Variants in KCNIP4 observed in about 807,000 individuals in gnomAD.
KCNIP4 encodes Kv channel-interacting protein 4.
KCNIP4 carries 12 observed loss-of-function variants against 34.0 expected under a neutral mutation model. The ratio of observed to expected loss-of-function variants is 0.35; its 90% confidence interval spans 0.23 to 0.57. KCNIP4 has a LOEUF of 0.57. Ranked by LOEUF, KCNIP4 falls within the 20% of genes least tolerant of loss-of-function variation. KCNIP4 has a pLI of 0.83. For synonymous variants in KCNIP4, 124 were observed against 102.2 expected (o/e 1.21, Z -1.29); for missense variants, 238 against 311.7 (o/e 0.76, Z 1.78).
At chr4:20,968,021 A>T (rs747445741) in intron 1 of KCNIP4, among the ~76,000 whole-genome samples, 12 of 152,200 alleles carry the variant, frequency 7.9e-5, no homozygotes, top group Non-Finnish European at 1.2e-4. Context: ...AAATTTTTGC[A>T]ATCTACCCAT....
chr4:21,830,777 C>A (rs1475274841), intron 1 of KCNIP4, among the ~76,000 whole-genome samples: 1 of 151,942 alleles, frequency 6.6e-6, no homozygotes, highest in African/African-American at 2.4e-5. Context: ...AATGAAACAT[C>A]CAAATTAAAG....
intron 1 of KCNIP4, among the ~76,000 whole-genome samples, chr4:20,947,846 T>C (rs80217558): frequency 0.013 from 1,980 of 152,296 alleles, 50 homozygotes; most frequent in African/African-American, 0.046. Flanking sequence ...CTACATGCAG[T>C]TCCCTGCATG....
intron 3 of KCNIP4, among the ~76,000 whole-genome samples, chr4:20,802,635 G>A (rs535434872): frequency 1.2e-3 from 184 of 152,146 alleles, no homozygotes; most frequent in African/African-American, 4.2e-3. Context: ...TAAGAATATC[G>A]AAATCATACC....
chr4:20,979,998 T>G (rs753272998), intron 1 of KCNIP4, among the ~76,000 whole-genome samples: 5 of 152,190 alleles, frequency 3.3e-5, no homozygotes, highest in Admixed American at 6.5e-5. Flanking sequence ...CAGCTTGGAA[T>G]CTTCTTCCTG....
chr4:21,823,351 C>T (rs1722482149), intron 1 of KCNIP4, among the ~76,000 whole-genome samples: 1 of 151,688 alleles, frequency 6.6e-6, no homozygotes, highest in Non-Finnish European at 1.5e-5. Context: ...TATGGTTAAA[C>T]CAGAGTTTCA....
At chr4:21,167,440 C>T (rs1483956700) in intron 1 of KCNIP4, among the ~76,000 whole-genome samples, 3 of 152,140 alleles carry the variant, frequency 2.0e-5, no homozygotes, top group South Asian at 2.1e-4. Context: ...GCAGATGCAT[C>T]GAATTCTCTG....
intron 1 of KCNIP4, among the ~76,000 whole-genome samples, chr4:20,998,141 C>T (rs1560633155): frequency 6.6e-6 from 1 of 152,116 alleles, no homozygotes; most frequent in Non-Finnish European, 1.5e-5. Flanking sequence ...GAGAAAAGAG[C>T]AAATAATCAA....
chr4:20,963,687 G>T (rs898010228), intron 1 of KCNIP4, among the ~76,000 whole-genome samples: 6 of 152,108 alleles, frequency 3.9e-5, no homozygotes, highest in Admixed American at 6.6e-5. Context: ...GAAAGAGGAG[G>T]TTAAAAAATA....
At chr4:20,813,006 A>G (rs1439853472) in intron 3 of KCNIP4, among the ~76,000 whole-genome samples, 1 of 152,042 alleles carries the variant, frequency 6.6e-6, no homozygotes, top group East Asian at 1.9e-4. Flanking sequence ...AATCACAACT[A>G]TTTTAATTTT....
intron 5 of KCNIP4, 31 bp downstream of exon 5, chr4:20,749,631 T>A: frequency 6.8e-7 from 1 of 1,473,066 alleles, no homozygotes; most frequent in Non-Finnish European, 9.4e-7. Flanking sequence ...CTCTAAATAG[T>A]CAAATGATAT....
chr4:21,735,743 A>G (rs781346076), intron 1 of KCNIP4, among the ~76,000 whole-genome samples: 3 of 152,208 alleles, frequency 2.0e-5, no homozygotes, highest in African/African-American at 4.8e-5. Flanking sequence ...AAGCAAAGAT[A>G]AGCAAAATCT....
intron 1 of KCNIP4, among the ~76,000 whole-genome samples, chr4:21,091,254 T>C (rs907150339): frequency 6.6e-5 from 10 of 152,184 alleles, no homozygotes; most frequent in African/African-American, 2.4e-4. Flanking sequence ...TATACAAAGA[T>C]GAATAATTCT....
At chr4:21,458,946 C>G (rs908331125) in intron 1 of KCNIP4, among the ~76,000 whole-genome samples, 5 of 152,046 alleles carry the variant, frequency 3.3e-5, no homozygotes, top group Admixed American at 2.0e-4. Flanking sequence ...CATTCTTCAC[C>G]TGTGCACAAG....
At chr4:21,435,230 T>C (rs901214832) in intron 1 of KCNIP4, among the ~76,000 whole-genome samples, 4 of 152,154 alleles carry the variant, frequency 2.6e-5, no homozygotes, top group African/African-American at 9.7e-5. Context: ...CAAGACATGA[T>C]AGAGACATGC....
chr4:20,797,481 G>A (rs1328274612), intron 3 of KCNIP4, among the ~76,000 whole-genome samples: 1 of 152,094 alleles, frequency 6.6e-6, no homozygotes, highest in African/African-American at 2.4e-5. Flanking sequence ...CATAATCTCT[G>A]GGAATGTGAA....
intron 1 of KCNIP4, among the ~76,000 whole-genome samples, chr4:21,527,391 C>T (rs1452027093): frequency 3.3e-5 from 5 of 152,030 alleles, no homozygotes; most frequent in Admixed American, 3.3e-4. Context: ...GAATCCTTGG[C>T]CTATATTACT....
chr4:20,885,951 C>A (rs1244646013), intron 1 of KCNIP4, among the ~76,000 whole-genome samples: 1 of 152,006 alleles, frequency 6.6e-6, no homozygotes, highest in Non-Finnish European at 1.5e-5. Flanking sequence ...TGAGGAAAAC[C>A]TTATAGGGCA....
In KCNIP4 at chr4:21,100,623, C is replaced by T. The variant is rs115169845; in HGVS notation, c.62-217914G>A. 1.8e-3 allele frequency among the ~76,000 whole-genome samples: 276 copies of T among 152,200 alleles called. 2 individuals are homozygous for T. The highest frequency in any genetic ancestry group is 6.2e-3 in the African/African-American group (256 of 41,534). ...TCAGCAACCATCCCTGATCAGCCAG[C>T]AGCCATCCACACTGAGATCAGGCCC... On this transcript the variant is annotated intron_variant, in intron 1 of 8. Transcript: ENST00000382152.
At chr4:20,834,370 T>C (rs1030729715) in intron 3 of KCNIP4, among the ~76,000 whole-genome samples, 5 of 152,168 alleles carry the variant, frequency 3.3e-5, no homozygotes, top group Non-Finnish European at 7.3e-5. Flanking sequence ...ACTGGGTATA[T>C]GTGGGTAAGC....
Sources: allele counts gnomAD v4.1 joint callset (sites outside exome capture counted in the v4.1 genomes callset), GRCh38; gene constraint gnomAD v4.1.1; transcripts MANE v1.5; gene names NCBI Gene and HGNC (gene_info 2026-07-23, HGNC 2026-07-21).